The following SDC2 variants were observed in gnomAD, a reference collection of about 807,000 sequenced individuals.
The protein encoded by SDC2 is syndecan-2.
SDC2 carries 13 observed loss-of-function variants against 22.2 expected under a neutral mutation model. The ratio of observed to expected loss-of-function variants is 0.59; its 90% CI spans 0.38 to 0.93. SDC2 has a LOEUF of 0.93. Among genes scored for constraint, SDC2 ranks in the 40% least tolerant of loss-of-function variants. SDC2 has a pLI of 0.00. For missense variants in SDC2, 235 were observed against 246.8 expected, an observed-to-expected ratio of 0.95 and a Z score of 0.32; for synonymous variants, 94 against 92.8, an observed-to-expected ratio of 1.01 and a Z score of -0.07.
intron 1 of SDC2, among the ~76,000 whole-genome samples, chr8:96,502,154 G>A (rs1352126470): frequency 6.6e-6 from 1 of 152,184 alleles, no homozygotes; most frequent in Non-Finnish European, 1.5e-5. Flanking sequence ...CACAATCATG[G>A]TGGAAGGCAA....
intron 1 of SDC2, among the ~76,000 whole-genome samples, chr8:96,500,875 C>G (rs1328515197): frequency 6.6e-6 from 1 of 152,120 alleles, no homozygotes; most frequent in Non-Finnish European, 1.5e-5. Flanking sequence ...TCTCAAGTAT[C>G]TCAAAGAATT....
intron 1 of SDC2, among the ~76,000 whole-genome samples, chr8:96,561,423 A>G (rs1289565019): frequency 6.6e-6 from 1 of 152,054 alleles, no homozygotes; most frequent in Non-Finnish European, 1.5e-5. Context: ...CTGTAGCAAT[A>G]CTCTTTGGGC....
In SDC2 at chr8:96,543,879, A is replaced by G. The variant is rs75602116; in HGVS notation, c.60+49548A>G. Among the ~76,000 whole-genome samples, 21 of 152,340 alleles carry G rather than the reference A, an allele frequency of 1.4e-4. No individual in the cohort carries two copies. In the East Asian group the frequency reaches 3.9e-3, roughly 28 times the overall value. ...AAGTTATCTGGCGGTATTGCTTTAC[A>G]TTTTGAAAGAGCATTACAGTTTTAG... On this transcript the variant is annotated intron_variant, in intron 1 of 4. Coordinates refer to ENST00000302190, the MANE Select transcript of SDC2 (RefSeq NM_002998.4).
chr8:96,549,684 G>A (rs1040796450), intron 1 of SDC2, among the ~76,000 whole-genome samples: 1 of 152,158 alleles, frequency 6.6e-6, no homozygotes, highest in Non-Finnish European at 1.5e-5. Context: ...CTTCATATCA[G>A]TTTCTCTTCG....
At chr8:96,573,651 G>C (rs1193961765) in intron 1 of SDC2, among the ~76,000 whole-genome samples, 1 of 151,910 alleles carries the variant, frequency 6.6e-6, no homozygotes, top group Non-Finnish European at 1.5e-5. Context: ...CATTGACTCT[G>C]CCCTGGCTTT....
intron 1 of SDC2, among the ~76,000 whole-genome samples, chr8:96,515,346 G>A (rs376515455): frequency 6.6e-6 from 1 of 152,186 alleles, no homozygotes; most frequent in South Asian, 2.1e-4. Context: ...TTTAGAATGC[G>A]GTAATCTTTC....
intron 1 of SDC2, among the ~76,000 whole-genome samples, chr8:96,577,019 A>G (rs1416622270): frequency 6.6e-6 from 1 of 152,138 alleles, no homozygotes; most frequent in Non-Finnish European, 1.5e-5. Flanking sequence ...CGGTGGTGCA[A>G]CTCATTATTT....
chr8:96,519,778 C>T (rs142275891), intron 1 of SDC2, among the ~76,000 whole-genome samples: 1,985 of 151,956 alleles, frequency 0.013, 50 homozygotes, highest in African/African-American at 0.045. Flanking sequence ...GGATTACAGG[C>T]GCGCACCTCC....
chr8:96,565,659 C>T (rs1814288540), intron 1 of SDC2, among the ~76,000 whole-genome samples: 1 of 152,122 alleles, frequency 6.6e-6, no homozygotes, highest in South Asian at 2.1e-4. Flanking sequence ...ATCTGTGTCT[C>T]AGTTTTCCCC....
chr8:96,535,339 C>G (rs1813737959), intron 1 of SDC2, among the ~76,000 whole-genome samples: 2 of 152,162 alleles, frequency 1.3e-5, no homozygotes, highest in Admixed American at 1.3e-4. Flanking sequence ...TGTGGCCCAT[C>G]CACTATTTGG....
chr8:96,556,969 T>C (rs1188123155), intron 1 of SDC2, among the ~76,000 whole-genome samples: 2 of 150,870 alleles, frequency 1.3e-5, no homozygotes, highest in East Asian at 1.9e-4. Flanking sequence ...GCGAAGGACA[T>C]GAACAGACAC....
intron 1 of SDC2, among the ~76,000 whole-genome samples, chr8:96,578,598 C>T (rs1470276198): frequency 3.3e-5 from 5 of 152,146 alleles, no homozygotes; most frequent in Non-Finnish European, 5.9e-5. Context: ...AGAGATGAAG[C>T]TCAGAGGTCT....
At position 96,537,952 on chromosome 8, in the gene SDC2, T is replaced by G. The variant is rs201385635; in HGVS notation, c.60+43621T>G. Among the ~76,000 whole-genome samples, 1,371 of 150,914 alleles carry G rather than the reference T, an allele frequency of 9.1e-3. 11 individuals carry two copies. Among genetic ancestry groups the G allele is most frequent in the Non-Finnish European group, 0.012 (794 of 67,612 alleles). The stretch of plus-strand genomic sequence containing the variant: ...TTATCTGTAAAGCTTATGTTTTGTT[T>G]TTTGTTTGTTTGTTTGTTTGTTTGT... On this transcript the variant is annotated intron_variant, in intron 1 of 4. Transcript: ENST00000302190.
intron 3 of SDC2, 24 bp from the exon 4 acceptor site, chr8:96,608,311 A>T (rs1299616406): frequency 6.2e-7 from 1 of 1,605,332 alleles, no homozygotes; most frequent in Non-Finnish European, 8.5e-7. Flanking sequence ...AATCAATGTA[A>T]TCTTTCCCTG....
chr8:96,501,921 A>G (rs1193900276), intron 1 of SDC2, among the ~76,000 whole-genome samples: 3 of 152,182 alleles, frequency 2.0e-5, no homozygotes, highest in African/African-American at 7.2e-5. Flanking sequence ...TATTCACCTT[A>G]CAGAAAGGCA....
intron 1 of SDC2, among the ~76,000 whole-genome samples, chr8:96,565,315 G>C (rs1398880760): frequency 6.6e-6 from 1 of 151,510 alleles, no homozygotes; most frequent in Non-Finnish European, 1.5e-5. Flanking sequence ...TCGATCTCCT[G>C]ACCTCGTGAT....
intron 1 of SDC2, among the ~76,000 whole-genome samples, chr8:96,583,670 A>G (rs1352277810): frequency 6.9e-6 from 1 of 144,110 alleles, no homozygotes; most frequent in Non-Finnish European, 1.5e-5. Context: ...AAATATATAT[A>G]TGTATTTGAA....
chr8:96,519,604 T>C (rs944052890), intron 1 of SDC2, among the ~76,000 whole-genome samples: 1 of 152,040 alleles, frequency 6.6e-6, no homozygotes, highest in Non-Finnish European at 1.5e-5. Flanking sequence ...TACACTTAAG[T>C]GGTGAAAAAA....
chr8:96,598,720 G>A (rs1814924865), intron 2 of SDC2, among the ~76,000 whole-genome samples: 1 of 152,054 alleles, frequency 6.6e-6, no homozygotes, highest in Non-Finnish European at 1.5e-5. Flanking sequence ...TTCAGAGAGG[G>A]GGTGATATTG....
Sources: gnomAD v4.1 joint callset for allele counts (sites outside exome capture counted in the v4.1 genomes callset) on GRCh38, gnomAD v4.1.1 for gene constraint, MANE v1.5 for transcripts, NCBI Gene and HGNC (gene_info 2026-07-23, HGNC 2026-07-21) for gene names.